The following GLYATL3 variants were observed in gnomAD, a reference collection of about 807,000 sequenced individuals.
The protein encoded by GLYATL3 is glycine N-acyltransferase-like protein 3.
Under a neutral mutation model 28.5 loss-of-function variants are expected in GLYATL3, and 31 were observed. That is an observed-to-expected ratio of 1.09 (90% CI 0.82 to 1.47). The LOEUF (loss-of-function observed/expected upper bound fraction) is 1.47, where lower values mean the gene tolerates loss of function less well. GLYATL3 is among the 40% of genes most tolerant of loss of function. GLYATL3 has a pLI of 0.00. For missense variants in GLYATL3, 369 were observed against 351.5 expected (o/e 1.05, Z -0.40); for synonymous variants, 141 against 140.2 (o/e 1.01, Z -0.04).
At chr6:49,513,365 T>C (rs532308686) in intron 2 of GLYATL3, among the ~76,000 whole-genome samples, 5 of 152,256 alleles carry the variant, frequency 3.3e-5, no homozygotes, top group African/African-American at 1.2e-4. Flanking sequence ...TTTGAATAAA[T>C]AGCTATTGGA....
chr6:49,516,374 T>C (rs1011412567), intron 3 of GLYATL3, among the ~76,000 whole-genome samples: 2 of 152,104 alleles, frequency 1.3e-5, no homozygotes, highest in African/African-American at 4.8e-5. Flanking sequence ...CACAAATGGC[T>C]GACTTACAGA....
At chr6:49,505,937 G>A (rs573010695) in intron 1 of GLYATL3, among the ~76,000 whole-genome samples, 28 of 151,550 alleles carry the variant, frequency 1.8e-4, no homozygotes, top group African/African-American at 4.1e-4. Context: ...TCTCTCACTC[G>A]TTGTTCTACA....
In GLYATL3 at chr6:49,515,658, C is replaced by T. The variant is rs190038723; in HGVS notation, c.84C>T (p.Tyr28=). Residue 28 remains tyrosine (Y), a synonymous_variant, in exon 3 of 6, where the codon TAC becomes TAT. Transcript: ENST00000371197. Reference sequence around the variant, plus strand: ...CTCTGGGTTATCTGACTCAGGTTTACGGAGCGGTGATGAACATAAATCGTG... The same window carrying T: ...CTCTGGGTTATCTGACTCAGGTTTATGGAGCGGTGATGAACATAAATCGTG... ...KSCFPESLKV[Y]GAVMNINRGN... 973 of 1,541,524 alleles carry T rather than the reference C, an allele frequency of 6.3e-4. 7 individuals are homozygous for T. The African/African-American group carries it at 0.012, about 19-fold the overall frequency.
At chr6:49,510,006 T>G (rs994366454) in intron 1 of GLYATL3, among the ~76,000 whole-genome samples, 1 of 141,732 alleles carries the variant, frequency 7.1e-6, no homozygotes, top group East Asian at 2.1e-4. Flanking sequence ...TTCTTTCTCT[T>G]TCTTTCCTTC....
intron 1 of GLYATL3, among the ~76,000 whole-genome samples, chr6:49,511,569 G>A (rs1190529120): frequency 6.6e-6 from 1 of 152,210 alleles, no homozygotes; most frequent in African/African-American, 2.4e-5. Context: ...GGCAGGTGCT[G>A]TGGATACAGT....
chr6:49,521,662 TATG>T lies in GLYATL3; in HGVS notation c.335_337del (p.Asp112del). 4 of 1,551,114 alleles carry T rather than the reference TATG, an allele frequency of 2.6e-6. No homozygotes were observed. Among genetic ancestry groups the T allele is most frequent in the Admixed American group, 2.0e-5 (1 of 50,998 alleles). On this transcript the variant is annotated inframe_deletion, in exon 5 of 6. Coordinates refer to ENST00000371197, the MANE Select transcript of GLYATL3 (RefSeq NM_001010904.2). The stretch of plus-strand genomic sequence containing the variant: ...ATACACAGGGCTGCAGAGTGAGTTA[TATG>T]ATGTTTCCAAAGCGGTTGCCAATTC...
chr6:49,513,550 G>A (rs994610824), intron 2 of GLYATL3, among the ~76,000 whole-genome samples: 1 of 152,154 alleles, frequency 6.6e-6, no homozygotes, highest in Non-Finnish European at 1.5e-5. Flanking sequence ...GTTTCCTCAT[G>A]TGAAACTTAT....
intron 1 of GLYATL3, among the ~76,000 whole-genome samples, chr6:49,508,597 A>T (rs1483813882): frequency 6.6e-6 from 1 of 152,198 alleles, no homozygotes; most frequent in Non-Finnish European, 1.5e-5. Context: ...CAACGGTCGC[A>T]TTCCTTTCCC....
intron 4 of GLYATL3, among the ~76,000 whole-genome samples, chr6:49,519,145 T>C (rs1026460596): frequency 6.6e-6 from 1 of 152,164 alleles, no homozygotes; most frequent in Admixed American, 6.5e-5. Flanking sequence ...CTCATTGGTG[T>C]GAAAAATCAT....
intron 1 of GLYATL3, among the ~76,000 whole-genome samples, chr6:49,509,772 T>C (rs1769079189): frequency 6.6e-6 from 1 of 152,192 alleles, no homozygotes; most frequent in African/African-American, 2.4e-5. Context: ...AATTTTCAAA[T>C]ATGAAATTCA....
At chr6:49,501,168 G>A (rs1192972759) in intron 1 of GLYATL3, among the ~76,000 whole-genome samples, 2 of 152,192 alleles carry the variant, frequency 1.3e-5, no homozygotes, top group East Asian at 3.8e-4. Context: ...GGGGGGCCAA[G>A]GCAGGTGGAT....
At chr6:49,520,365 C>G (rs573236081) in intron 4 of GLYATL3, among the ~76,000 whole-genome samples, 1 of 152,260 alleles carries the variant, frequency 6.6e-6, no homozygotes, top group South Asian at 2.1e-4. Context: ...TCTTTTGAAT[C>G]ACTTAGATGG....
chr6:49,506,936 G>T (rs947560509), intron 1 of GLYATL3, among the ~76,000 whole-genome samples: 3 of 152,046 alleles, frequency 2.0e-5, no homozygotes, highest in Non-Finnish European at 4.4e-5. Flanking sequence ...GAAACAGTAG[G>T]CTTAGAATAG....
At chr6:49,520,271 A>G (rs1769291296) in intron 4 of GLYATL3, among the ~76,000 whole-genome samples, 1 of 152,190 alleles carries the variant, frequency 6.6e-6, no homozygotes. Context: ...CAGGTAGATT[A>G]AAAAATTTGA....
intron 4 of GLYATL3, among the ~76,000 whole-genome samples, chr6:49,519,141 G>T (rs562715176): frequency 6.6e-6 from 1 of 151,960 alleles, no homozygotes; most frequent in Non-Finnish European, 1.5e-5. Context: ...TTTCCTCATT[G>T]GTGTGAAAAA....
chr6:49,521,655 T>C lies in GLYATL3; in HGVS notation c.324T>C (p.Ser108=). The C allele has an allele frequency of 6.4e-7, 1 of 1,550,698 alleles. No homozygotes were observed. Among genetic ancestry groups the C allele is most frequent in the East Asian group, 2.4e-5 (1 of 40,894 alleles). Residue 108 remains serine, a synonymous_variant, in exon 5 of 6, where the codon AGT becomes AGC. Coordinates refer to ENST00000371197, the MANE Select transcript of GLYATL3 (RefSeq NM_001010904.2). ...DQVFQIQGLQ[S]ELYDVSKAVA... The stretch of plus-strand genomic sequence containing the variant: ...TCTTTCTATACACAGGGCTGCAGAG[T>C]GAGTTATATGATGTTTCCAAAGCGG...
intron 4 of GLYATL3, among the ~76,000 whole-genome samples, chr6:49,519,026 G>A (rs1769268713): frequency 6.6e-6 from 1 of 152,044 alleles, no homozygotes; most frequent in South Asian, 2.1e-4. Flanking sequence ...TTACAGATTT[G>A]CCCCAGTCAC....
chr6:49,505,861 G>C (rs1769002445), intron 1 of GLYATL3, among the ~76,000 whole-genome samples: 1 of 152,182 alleles, frequency 6.6e-6, no homozygotes, highest in Non-Finnish European at 1.5e-5. Flanking sequence ...TCCCGTAGGA[G>C]AGTGGATGGA....
At chr6:49,504,061 T>A (rs1768963747) in intron 1 of GLYATL3, among the ~76,000 whole-genome samples, 1 of 151,996 alleles carries the variant, frequency 6.6e-6, no homozygotes, top group Non-Finnish European at 1.5e-5. Context: ...AGGCCCAATA[T>A]TCGTAGTTTT....
Sources: gnomAD v4.1 joint callset for allele counts (sites outside exome capture counted in the v4.1 genomes callset) on GRCh38, gnomAD v4.1.1 for gene constraint, MANE v1.5 for transcripts, NCBI Gene and HGNC (gene_info 2026-07-23, HGNC 2026-07-21) for gene names.